The following CACNA1A variants were observed in gnomAD, a reference collection of about 807,000 sequenced individuals.
CACNA1A encodes the protein calcium voltage-gated channel subunit alpha1 A.
Under a neutral mutation model 262.4 loss-of-function variants are expected in CACNA1A, and 57 were observed. That is an observed-to-expected ratio of 0.22 (90% CI 0.18 to 0.27). The LOEUF (loss-of-function observed/expected upper bound fraction) is 0.27. CACNA1A is among the 10% of genes least tolerant of loss of function. The pLI is 1.00. For missense variants in CACNA1A, 2,526 were observed against 3,562.8 expected (o/e 0.71, Z 7.41); for synonymous variants, 1,431 against 1,419.3 (o/e 1.01, Z -0.18).
At chr19:13,476,588 A>G (rs1978566089) in intron 1 of CACNA1A, among the ~76,000 whole-genome samples, 1 of 152,162 alleles carries the variant, frequency 6.6e-6, no homozygotes. Context: ...TAATGGGTGC[A>G]GGGTTTCCTT....
chr19:13,427,890 T>A (rs2060433261), intron 3 of CACNA1A, among the ~76,000 whole-genome samples: 1 of 152,150 alleles, frequency 6.6e-6, no homozygotes, highest in African/African-American at 2.4e-5. Flanking sequence ...GGACAGTTAC[T>A]TAACCTCTCT....
At chr19:13,357,975 C>A (rs2059035967) in intron 6 of CACNA1A, among the ~76,000 whole-genome samples, 1 of 152,034 alleles carries the variant, frequency 6.6e-6, no homozygotes, top group Non-Finnish European at 1.5e-5. Flanking sequence ...CCACTGCGCT[C>A]CAGCCTGGAC....
At chr19:13,415,586 C>A (rs2060205453) in intron 3 of CACNA1A, among the ~76,000 whole-genome samples, 1 of 151,332 alleles carries the variant, frequency 6.6e-6, no homozygotes, top group Admixed American at 6.6e-5. Flanking sequence ...ACTGAAAACA[C>A]AAAAATTACC....
At chr19:13,441,131 A>G (rs897070526) in intron 3 of CACNA1A, among the ~76,000 whole-genome samples, 1 of 151,972 alleles carries the variant, frequency 6.6e-6, no homozygotes, top group Non-Finnish European at 1.5e-5. Flanking sequence ...GGATGCTACT[A>G]CTCTCATTTT....
chr19:13,228,836 C>A, intron 36 of CACNA1A: 2 of 1,183,836 alleles, frequency 1.7e-6, no homozygotes, highest in South Asian at 2.6e-5. Context: ...GCAATGGGTT[C>A]ACACGGGCTC....
chr19:13,401,485 G>A (rs547491920), intron 3 of CACNA1A, among the ~76,000 whole-genome samples: 1 of 152,264 alleles, frequency 6.6e-6, no homozygotes. Context: ...GTGCAAACAT[G>A]GTGAGCTTCC....
At chr19:13,445,072 G>A (rs1198422667) in intron 3 of CACNA1A, among the ~76,000 whole-genome samples, 2 of 151,488 alleles carry the variant, frequency 1.3e-5, no homozygotes, top group South Asian at 2.1e-4. Context: ...CCTGGGAGGC[G>A]GAGGTTGCAG....
Position 13,232,150 on chromosome 19 carries a change from T to C in CACNA1A, c.5250-290A>G, listed in dbSNP as rs149086194. ...ATTTGAGGACACTGATATGTTTTTT[T>C]CTTTTCTTTTCCTTCTCTCTCTCTT... On this transcript the variant is annotated intron_variant, in intron 34 of 46. Coordinates refer to ENST00000360228, the MANE Select transcript of CACNA1A (RefSeq NM_001127222.2). 2.3e-3 allele frequency among the ~76,000 whole-genome samples: 352 copies of C among 152,200 alleles called. 4 individuals carry two copies. Among genetic ancestry groups the C allele is most frequent in the African/African-American group, 8.1e-3 (336 of 41,546 alleles).
Position 13,257,856 on chromosome 19 carries a change from G to A in CACNA1A, c.4389-305C>T, listed in dbSNP as rs575800025. ...GGGTTCAAATGATTCTCCTGCCTCAGCCTCCCAAGTAGCTGGGATTACAGA... is the reference window on the plus strand; with the variant it reads ...GGGTTCAAATGATTCTCCTGCCTCAACCTCCCAAGTAGCTGGGATTACAGA... On this transcript the variant is annotated intron_variant, in intron 27 of 46. Coordinates refer to ENST00000360228, the MANE Select transcript of CACNA1A (RefSeq NM_001127222.2). 1.8e-4 allele frequency: 34 copies of A among 190,122 alleles called. 2 individuals carry two copies. In the East Asian group the frequency reaches 4.4e-3, roughly 24 times the overall value. The allele number at this position is 190,122 out of a possible 1,614,324, so 11.8% of individuals were successfully genotyped here.
chr19:13,254,981 G>A, intron 29 of CACNA1A, 114 bp downstream of exon 29: 1 of 1,084,276 alleles, frequency 9.2e-7, no homozygotes, highest in Non-Finnish European at 1.4e-6. Flanking sequence ...AAATCTCAGA[G>A]GTGATCCAGA....
intron 3 of CACNA1A, among the ~76,000 whole-genome samples, chr19:13,436,697 A>G (rs1040189198): frequency 1.3e-5 from 2 of 152,228 alleles, no homozygotes; most frequent in African/African-American, 4.8e-5. Flanking sequence ...GGAAGGAGAC[A>G]GATGATTAAC....
At chr19:13,226,818 G>C (rs1004038943) in intron 37 of CACNA1A, 1 of 152,586 alleles carries the variant, frequency 6.6e-6, no homozygotes, top group Non-Finnish European at 1.5e-5. Context: ...GAGGCATGTT[G>C]GGGTGTCTTG....
At chr19:13,433,137 C>CA (rs1486381780) in intron 3 of CACNA1A, among the ~76,000 whole-genome samples, 1 of 151,628 alleles carries the variant, frequency 6.6e-6, no homozygotes, top group Non-Finnish European at 1.5e-5. Flanking sequence ...ACTAAAAATA[C>CA]AAAAAATTAG....
At chr19:13,440,027 A>T (rs2060687668) in intron 3 of CACNA1A, among the ~76,000 whole-genome samples, 1 of 151,934 alleles carries the variant, frequency 6.6e-6, no homozygotes, top group Non-Finnish European at 1.5e-5. Flanking sequence ...TGGCACTATC[A>T]CGGCTCACTG....
At position 13,277,326 on chromosome 19, in the gene CACNA1A, A is replaced by G. The variant is rs931658362; in HGVS notation, c.3823-198T>C. 2.9e-4 allele frequency: 148 copies of G among 509,930 alleles called. 1 individual carries two copies. The highest frequency in any genetic ancestry group is 1.6e-4 in the Admixed American group (5 of 30,604). The allele number at this position is 509,930 out of a possible 1,614,324, so 31.6% of individuals were successfully genotyped here. ...TCATACTGCAGATTTGTATGTTGTG[A>G]ATGAAATTGTCCAGCAGATGGCAGC... On this transcript the variant is annotated intron_variant, in intron 22 of 46. Transcript: ENST00000360228.
chr19:13,481,860 G>A (rs1979360925), intron 1 of CACNA1A, among the ~76,000 whole-genome samples: 1 of 151,988 alleles, frequency 6.6e-6, no homozygotes, highest in Admixed American at 6.5e-5. Context: ...CTTGCTTTCT[G>A]TTCTGACTCC....
At chr19:13,368,486 C>T (rs2059257814) in intron 4 of CACNA1A, among the ~76,000 whole-genome samples, 2 of 152,136 alleles carry the variant, frequency 1.3e-5, no homozygotes, top group Admixed American at 6.5e-5. Flanking sequence ...GCACACTTCA[C>T]CATACCTGGT....
In CACNA1A at chr19:13,303,825, G is replaced by C. The variant is rs535077726; in HGVS notation, c.2046C>G (p.Gly682=). ...VMYDGIKSQG[G]VQGGMVFSIY... ...TGGAGAACACCATGCCGCCCTGCACGCCCCCCTGAGACTTGATCCCGTCGT... is the reference window on the plus strand; with the variant it reads ...TGGAGAACACCATGCCGCCCTGCACCCCCCCCTGAGACTTGATCCCGTCGT... The change falls in exon 16 of 47, where the codon GGC becomes GGG. Residue 682 remains glycine, a synonymous_variant. Coordinates refer to ENST00000360228, the MANE Select transcript of CACNA1A (RefSeq NM_001127222.2). 1 of 1,613,522 alleles carries C rather than the reference G, an allele frequency of 6.2e-7. No individual in the cohort carries two copies. Among genetic ancestry groups the C allele is most frequent in the Non-Finnish European group, 8.5e-7 (1 of 1,179,628 alleles).
chr19:13,346,587 T>C (rs2058766525), intron 6 of CACNA1A, among the ~76,000 whole-genome samples: 1 of 134,480 alleles, frequency 7.4e-6, no homozygotes, highest in African/African-American at 2.8e-5. Flanking sequence ...GAGAGAAATG[T>C]TTATTTATTA....
Sources: allele counts gnomAD v4.1 joint callset (sites outside exome capture counted in the v4.1 genomes callset), GRCh38; gene constraint gnomAD v4.1.1; transcripts MANE v1.5; gene names NCBI Gene and HGNC (gene_info 2026-07-23, HGNC 2026-07-21).